CUTC: variants seen among roughly 807,000 people sequenced by gnomAD.
CUTC encodes the protein copper homeostasis protein cutC homolog.
Under a neutral mutation model 36.2 loss-of-function variants are expected in CUTC, and 27 were observed. The observed-to-expected ratio is 0.75, with a 90% CI of 0.55 to 1.03. The LOEUF (loss-of-function observed/expected upper bound fraction) is 1.03, where lower values mean the gene tolerates loss of function less well. Ranked by LOEUF, CUTC falls within the 50% of genes least tolerant of loss-of-function variation. The probability of loss-of-function intolerance (pLI) is 0.00; values close to 1 mark genes in which losing one functional copy is unlikely to be tolerated. For missense variants in CUTC, 315 were observed against 343.5 expected, an observed-to-expected ratio of 0.92 and a Z score of 0.66; for synonymous variants, 114 against 118.3, an observed-to-expected ratio of 0.96 and a Z score of 0.24.
In CUTC at chr10:99,747,321, C is replaced by T. The variant is rs777742474; in HGVS notation, c.504C>T (p.Arg168=). ...LETLLTLGFE[R]VLTSGCDSSA... is the part of the protein sequence containing the mutation. ...CCCTCTTAACCTTGGGATTTGAACGCGTGTTGACCAGTGGATGTGACAGTT... is the reference window on the plus strand; with the variant it reads ...CCCTCTTAACCTTGGGATTTGAACGTGTGTTGACCAGTGGATGTGACAGTT... Residue 168 remains arginine (R), a synonymous_variant, in exon 6 of 9, where the codon CGC becomes CGT. Coordinates refer to ENST00000370476, the MANE Select transcript of CUTC (RefSeq NM_015960.3). The T allele has an allele frequency of 1.5e-5, 25 of 1,613,930 alleles. No individual in the cohort carries two copies. The highest frequency in any genetic ancestry group is 3.3e-5 in the Admixed American group (2 of 60,004).
chr10:99,746,319 A>G (rs1490872533), intron 5 of CUTC, among the ~76,000 whole-genome samples: 1 of 152,160 alleles, frequency 6.6e-6, no homozygotes, highest in Non-Finnish European at 1.5e-5. Context: ...ATGAGAACAC[A>G]TAGACACATA....
chr10:99,751,116 C>G (rs997150107), intron 7 of CUTC, among the ~76,000 whole-genome samples: 8 of 152,112 alleles, frequency 5.3e-5, no homozygotes, highest in Non-Finnish European at 1.2e-4. Context: ...AAATTTGTCT[C>G]ATCTTTTTTC....
chr10:99,732,476 T>C lies in CUTC; in HGVS notation c.61+67T>C, dbSNP rs572399911. The C allele has an allele frequency of 1.5e-4, 230 of 1,545,744 alleles. 4 individuals carry two copies. In the South Asian group the frequency reaches 2.5e-3, roughly 17 times the overall value. On this transcript the variant is annotated intron_variant, in intron 1 of 8. Coordinates refer to ENST00000370476, the MANE Select transcript of CUTC (RefSeq NM_015960.3). ...CCCCGGGGCGGGCCGGCGGGAGTCG[T>C]AGTCAGTGGTGATTTCTTCTGGAGT...
chr10:99,734,362 G>T (rs995836429), intron 1 of CUTC, among the ~76,000 whole-genome samples: 1 of 151,982 alleles, frequency 6.6e-6, no homozygotes, highest in South Asian at 2.1e-4. Context: ...CCACCGCGCC[G>T]GACAGGGACT....
chr10:99,732,480 C>T, intron 1 of CUTC, 71 bp downstream of exon 1: 1 of 1,545,174 alleles, frequency 6.5e-7, no homozygotes, highest in South Asian at 1.2e-5. Flanking sequence ...GAGTCGTAGT[C>T]AGTGGTGATT....
At position 99,732,308 on chromosome 10, in the gene CUTC, A is replaced by G. The variant is rs1266198314; in HGVS notation, c.-41A>G. 3 of 1,549,868 alleles carry G rather than the reference A, an allele frequency of 1.9e-6. No individual in the cohort carries two copies. Among genetic ancestry groups the G allele is most frequent in the Admixed American group, 3.9e-5 (2 of 50,808 alleles). On this transcript the variant is annotated 5_prime_UTR_variant, in exon 1 of 9. Coordinates refer to ENST00000370476, the MANE Select transcript of CUTC (RefSeq NM_015960.3). ...TGGTGCGCGCCGGAGCCCAAATTCC[A>G]AGTGGAAACTGCAGGCGCACGAGGG...
At chr10:99,732,443 C>G in intron 1 of CUTC, 34 bp downstream of exon 1, 1 of 1,548,434 alleles carries the variant, frequency 6.5e-7, no homozygotes, top group Non-Finnish European at 8.7e-7. Context: ...GACGGTCGGC[C>G]GAAGGCTCCC....
At chr10:99,733,904 G>T (rs1002320368) in intron 1 of CUTC, among the ~76,000 whole-genome samples, 3 of 152,014 alleles carry the variant, frequency 2.0e-5, no homozygotes, top group Non-Finnish European at 4.4e-5. Flanking sequence ...CCTTTCTTGT[G>T]TGAGGCAAAT....
intron 3 of CUTC, among the ~76,000 whole-genome samples, chr10:99,740,995 T>C (rs1009355783): frequency 6.6e-6 from 1 of 152,232 alleles, no homozygotes; most frequent in East Asian, 1.9e-4. Flanking sequence ...TGATAGCTGT[T>C]ATAATGACCT....
At chr10:99,738,387 AGGGT>A (rs1554843105) in intron 2 of CUTC, among the ~76,000 whole-genome samples, 1 of 82,016 alleles carries the variant, frequency 1.2e-5, no homozygotes, top group Admixed American at 1.2e-4. Flanking sequence ...TGACTCATAC[AGGGT>A]GTGTGTGTGT....
chr10:99,755,792 C>T lies in CUTC; in HGVS notation c.*53C>T. On this transcript the variant is annotated 3_prime_UTR_variant, in exon 9 of 9. Transcript: ENST00000370476. Reference sequence around the variant, plus strand: ...CACAGGATGAAGGTAGAACTATAATCTGCAATTCTCTATGACACAGCTTTA... The same window carrying T: ...CACAGGATGAAGGTAGAACTATAATTTGCAATTCTCTATGACACAGCTTTA... 1 of 1,153,702 alleles carries T rather than the reference C, an allele frequency of 8.7e-7. No individual in the cohort carries two copies. Among genetic ancestry groups the T allele is most frequent in the Non-Finnish European group, 1.3e-6 (1 of 769,770 alleles). 71.5% of individuals were successfully genotyped at this position (1,153,702 alleles called of 1,614,324 possible).
chr10:99,743,383 C>T lies in CUTC; in HGVS notation c.403+21C>T, dbSNP rs779185967. ...TATGGGTAAGAATTTGTATCTAAGACGTAAAAGCCTCTAATGATAATTGTA... is the reference window on the plus strand; with the variant it reads ...TATGGGTAAGAATTTGTATCTAAGATGTAAAAGCCTCTAATGATAATTGTA... On this transcript the variant is annotated intron_variant, in intron 4 of 8. Coordinates refer to ENST00000370476, the MANE Select transcript of CUTC (RefSeq NM_015960.3). 66 of 1,585,856 alleles carry T rather than the reference C, an allele frequency of 4.2e-5. No individual in the cohort carries two copies. In the Middle Eastern group the frequency reaches 5.0e-4, roughly 12 times the overall value.
At chr10:99,750,028 A>C (rs1232063729) in intron 6 of CUTC, among the ~76,000 whole-genome samples, 1 of 152,190 alleles carries the variant, frequency 6.6e-6, no homozygotes. Flanking sequence ...TCACATAAGT[A>C]CATATATATG....
chr10:99,755,257 G>A (rs1390287738), intron 8 of CUTC, among the ~76,000 whole-genome samples: 1 of 152,000 alleles, frequency 6.6e-6, no homozygotes, highest in African/African-American at 2.4e-5. Context: ...GGAGGCCAAG[G>A]CAGGTGGATC....
intron 4 of CUTC, among the ~76,000 whole-genome samples, chr10:99,743,767 A>C (rs1461635266): frequency 6.6e-6 from 1 of 152,236 alleles, no homozygotes; most frequent in East Asian, 1.9e-4. Context: ...CAGAGGGACA[A>C]GTATTAGATG....
chr10:99,754,216 C>T (rs1473825710), intron 7 of CUTC, among the ~76,000 whole-genome samples: 1 of 152,072 alleles, frequency 6.6e-6, no homozygotes, highest in Non-Finnish European at 1.5e-5. Context: ...CAAACCTATC[C>T]TTACCTTTCT....
At chr10:99,743,008 T>C in intron 3 of CUTC, 145 bp from the exon 4 acceptor site, 1 of 688,824 alleles carries the variant, frequency 1.5e-6, no homozygotes, top group East Asian at 2.7e-5. Flanking sequence ...AACCCTTTGC[T>C]ATTACTTACC....
chr10:99,747,533 A>C (rs1230610738), intron 6 of CUTC, 143 bp downstream of exon 6: 7 of 856,036 alleles, frequency 8.2e-6, no homozygotes, highest in Non-Finnish European at 1.1e-5. Context: ...AATGTATATA[A>C]TTCTTATTTC....
At chr10:99,753,057 A>G (rs375120427) in intron 7 of CUTC, among the ~76,000 whole-genome samples, 4 of 152,190 alleles carry the variant, frequency 2.6e-5, no homozygotes, top group African/African-American at 9.7e-5. Flanking sequence ...TTCTTCATCT[A>G]TAAAGAGAAG....
Sources: allele counts gnomAD v4.1 joint callset (sites outside exome capture counted in the v4.1 genomes callset), GRCh38; gene constraint gnomAD v4.1.1; transcripts MANE v1.5; gene names NCBI Gene and HGNC (gene_info 2026-07-23, HGNC 2026-07-21).